The following MEPE variants were observed in gnomAD, a reference collection of about 807,000 sequenced individuals.
MEPE encodes matrix extracellular phosphoglycoprotein.
Under a neutral mutation model 7.3 loss-of-function variants are expected in MEPE, and 7 were observed. The observed-to-expected ratio is 0.95, with a 90% CI of 0.54 to 1.79. MEPE has a LOEUF of 1.79. Ranked by LOEUF, MEPE falls within the 40% of genes most tolerant of loss-of-function variation. The pLI, the probability that MEPE is intolerant of heterozygous loss-of-function variation, is 0.00. For missense variants in MEPE, 623 were observed against 628.2 expected (o/e 0.99, Z 0.09); for synonymous variants, 214 against 213.1 (o/e 1.00, Z -0.04).
intron 1 of MEPE, among the ~76,000 whole-genome samples, chr4:87,824,803 T>G (rs1344637493): frequency 6.6e-6 from 1 of 152,240 alleles, no homozygotes; most frequent in Non-Finnish European, 1.5e-5. Flanking sequence ...TGATGTTTGA[T>G]AGAGCAACCT....
rs143977920 is a variant in MEPE at position 87,845,287 on chromosome 4, A to G, written c.419A>G (p.Glu140Gly). The change falls in exon 4 of 4, where the codon GAA becomes GGA. Residue 140 changes from glutamate (E) to glycine (G), a missense_variant. Glu to Gly is a moderately conservative substitution (Grantham distance 98). Transcript: ENST00000361056. ...DDAISKLHDQEEYGAALIRNN... is the reference protein window; with the variant it reads ...DDAISKLHDQGEYGAALIRNN... ...GCTATCAGCAAACTACATGACCAAG[A>G]AGAATATGGCGCAGCTCTCATCAGA... 20 of 1,613,964 alleles carry G rather than the reference A, an allele frequency of 1.2e-5. No homozygotes were observed. Among genetic ancestry groups the G allele is most frequent in the African/African-American group, 2.7e-5 (2 of 74,922 alleles).
chr4:87,845,256 G>A lies in MEPE; in HGVS notation c.388G>A (p.Asp130Asn). 6.2e-7 allele frequency: 1 copy of A among 1,614,038 alleles called. No individual in the cohort carries two copies. Among genetic ancestry groups the A allele is most frequent in the Non-Finnish European group, 8.5e-7 (1 of 1,179,972 alleles). The change falls in exon 4 of 4, where the codon GAT (aspartate) becomes AAT (asparagine). Residue 130 changes from aspartate to asparagine, a missense_variant. By Grantham distance (23) the Asp-to-Asn change is conservative. Coordinates refer to ENST00000361056, the MANE Select transcript of MEPE (RefSeq NM_020203.6). ...STGNKGFEDG[D>N]DAISKLHDQE... ...TGGGAATAAAGGGTTTGAGGATGGA[G>A]ATGATGCTATCAGCAAACTACATGA... is the stretch of plus-strand genomic sequence containing the variant.
At chr4:87,826,765 G>A (rs550636101) in intron 1 of MEPE, among the ~76,000 whole-genome samples, 3 of 151,984 alleles carry the variant, frequency 2.0e-5, no homozygotes, top group South Asian at 2.1e-4. Context: ...TTTTTTTCAC[G>A]TATTTGCTGG....
At chr4:87,822,475 C>T (rs966412133) in intron 1 of MEPE, among the ~76,000 whole-genome samples, 1 of 152,130 alleles carries the variant, frequency 6.6e-6, no homozygotes, top group Non-Finnish European at 1.5e-5. Flanking sequence ...GTTCACACAC[C>T]ACACTTCCAC....
chr4:87,842,422 A>G (rs889038465), intron 3 of MEPE, among the ~76,000 whole-genome samples: 3 of 152,230 alleles, frequency 2.0e-5, no homozygotes, highest in Admixed American at 2.0e-4. Flanking sequence ...AAGAGCCAAC[A>G]AATTGAAGTG....
chr4:87,821,721 C>T (rs970498899), intron 1 of MEPE, among the ~76,000 whole-genome samples: 1 of 152,130 alleles, frequency 6.6e-6, no homozygotes, highest in Non-Finnish European at 1.5e-5. Context: ...GATGACAGTA[C>T]CATCTGGCTC....
intron 1 of MEPE, among the ~76,000 whole-genome samples, chr4:87,826,411 GT>G (rs574915911): frequency 2.7e-5 from 4 of 146,616 alleles, no homozygotes; most frequent in African/African-American, 5.0e-5. Context: ...TTTTGTTTTT[GT>G]TTTTTTTTGC....
In MEPE at chr4:87,845,000, T is replaced by C. The variant is rs1226417832; in HGVS notation, c.132T>C (p.Asn44=). Residue 44 remains asparagine (N), a synonymous_variant, in exon 4 of 4, where the codon AAT becomes AAC. Transcript: ENST00000361056. ...EQRQEEKNKD[N]IGFHHLGKRI... ...AGCAGGAAGAAAAAAACAAAGACAATATTGGTTTTCACCATTTGGGCAAGA... is the reference window on the plus strand; with the variant it reads ...AGCAGGAAGAAAAAAACAAAGACAACATTGGTTTTCACCATTTGGGCAAGA... 1 of 1,574,114 alleles carries C rather than the reference T, an allele frequency of 6.4e-7. No individual in the cohort carries two copies. The highest frequency in any genetic ancestry group is 2.3e-5 in the East Asian group (1 of 44,248).
At chr4:87,840,448 T>G (rs1409606359) in intron 3 of MEPE, among the ~76,000 whole-genome samples, 3 of 152,236 alleles carry the variant, frequency 2.0e-5, no homozygotes, top group African/African-American at 7.2e-5. Flanking sequence ...AGAATGTTAT[T>G]TTCTTCTGCC....
chr4:87,828,259 A>G (rs774316657), upstream of MEPE, among the ~76,000 whole-genome samples: 22 of 152,200 alleles, frequency 1.4e-4, no homozygotes, highest in Non-Finnish European at 2.6e-4. Flanking sequence ...AGGAGGGGAA[A>G]TACTGTATAT....
chr4:87,835,117 T>C (rs1722734344), intron 2 of MEPE, among the ~76,000 whole-genome samples: 1 of 152,248 alleles, frequency 6.6e-6, no homozygotes, highest in Non-Finnish European at 1.5e-5. Flanking sequence ...ACTATTTTCC[T>C]GTAAACTTAA....
At position 87,845,884 on chromosome 4, in the gene MEPE, A is replaced by G. The variant is rs376440771; in HGVS notation, c.1016A>G (p.Asn339Ser). The G allele has an allele frequency of 1.2e-6, 2 of 1,614,030 alleles. No individual in the cohort carries two copies. The highest frequency in any genetic ancestry group is 1.3e-5 in the African/African-American group (1 of 75,046). Residue 339 changes from asparagine to serine, a missense_variant, in exon 4 of 4, where the codon AAC (asparagine) becomes AGC (serine). Transcript: ENST00000361056. ...AVDVSLVEGS[N>S]DIMGSTNFKE... is the part of the protein sequence containing the mutation. ...GATGTCAGCCTTGTAGAGGGCAGCAACGATATCATGGGTAGTACCAATTTT... is the reference window on the plus strand; with the variant it reads ...GATGTCAGCCTTGTAGAGGGCAGCAGCGATATCATGGGTAGTACCAATTTT...
intron 2 of MEPE, 50 bp downstream of exon 2, chr4:87,834,818 CATTT>C: frequency 6.7e-7 from 1 of 1,501,240 alleles, no homozygotes; most frequent in Non-Finnish European, 9.1e-7. Context: ...TTGCTCTCTT[CATTT>C]GTTTTTCTTT....
At chr4:87,840,576 T>A (rs55676643) in intron 3 of MEPE, among the ~76,000 whole-genome samples, 11,491 of 152,230 alleles carry the variant, frequency 0.075, 583 homozygotes, top group South Asian at 0.13. Flanking sequence ...CTATGTGAGA[T>A]AAAATGATGG....
At chr4:87,837,222 A>G (rs1007035988) in intron 2 of MEPE, among the ~76,000 whole-genome samples, 2 of 152,152 alleles carry the variant, frequency 1.3e-5, no homozygotes, top group African/African-American at 4.8e-5. Context: ...CTGGAAGGAA[A>G]AAAAAAGGTG....
In MEPE at chr4:87,838,936, A is replaced by G. The variant is rs140694518; in HGVS notation, c.108+251A>G. ...ATGATTTCTTCCTTCAAATGAAACA[A>G]TGCTTTGCCAGGCAACCTTCATGGG... is the stretch of plus-strand genomic sequence containing the variant. On this transcript the variant is annotated intron_variant, in intron 3 of 3. Transcript: ENST00000361056. Among the ~76,000 whole-genome samples, 423 of 152,340 alleles carry G rather than the reference A, an allele frequency of 2.8e-3. 1 individual carries two copies. The highest frequency in any genetic ancestry group is 9.9e-3 in the African/African-American group (410 of 41,576).
At chr4:87,824,694 A>G (rs1215179388) in intron 1 of MEPE, among the ~76,000 whole-genome samples, 1 of 152,158 alleles carries the variant, frequency 6.6e-6, no homozygotes, top group Non-Finnish European at 1.5e-5. Context: ...GATAAATTGT[A>G]TCTTTTTCTC....
chr4:87,846,565 G>A lies in MEPE; in HGVS notation c.*119G>A. On this transcript the variant is annotated 3_prime_UTR_variant, in exon 4 of 4. Transcript: ENST00000361056. ...GAGAGGATAGAGTGAAGAACTGAGT[G>A]AGCCAAGAATCCTGGTCTCCTTGGG... The A allele has an allele frequency of 4.3e-6, 5 of 1,154,394 alleles. No homozygotes were observed. Among genetic ancestry groups the A allele is most frequent in the East Asian group, 2.4e-5 (1 of 42,116 alleles). The allele number at this position is 1,154,394 out of a possible 1,614,324, so 71.5% of individuals were successfully genotyped here.
intron 1 of MEPE, among the ~76,000 whole-genome samples, chr4:87,827,645 C>T (rs1429186070): frequency 1.3e-5 from 2 of 152,120 alleles, no homozygotes; most frequent in Non-Finnish European, 2.9e-5. Context: ...GTCACCATGT[C>T]CTGAAGGAAA....
Sources: gnomAD v4.1 joint callset for allele counts (sites outside exome capture counted in the v4.1 genomes callset) on GRCh38, gnomAD v4.1.1 for gene constraint, MANE v1.5 for transcripts, NCBI Gene and HGNC (gene_info 2026-07-23, HGNC 2026-07-21) for gene names.